CHIC1: variants seen among roughly 807,000 people sequenced by gnomAD.
The protein encoded by CHIC1 is cysteine rich hydrophobic domain 1, also known as cysteine-rich hydrophobic domain-containing protein 1.
A neutral mutation model predicts 18.5 loss-of-function variants in CHIC1; 7 were observed. That is an observed-to-expected ratio of 0.38 (90% CI 0.22 to 0.71). CHIC1 has a LOEUF of 0.71. CHIC1 is among the 30% of genes least tolerant of loss of function. CHIC1 has a pLI of 0.49. For missense variants in CHIC1, 159 were observed against 176.9 expected, an observed-to-expected ratio of 0.90 and a Z score of 0.57; for synonymous variants, 77 against 73.5, an observed-to-expected ratio of 1.05 and a Z score of -0.25.
intron 2 of CHIC1, 95 bp from the exon 3 acceptor site, chrX:73,584,322 T>C (rs1780603038): frequency 2.6e-6 from 2 of 769,826 alleles, no homozygotes; most frequent in African/African-American, 2.1e-5. Flanking sequence ...ATATTTGTGA[T>C]TCCTTAAATT....
chrX:73,590,884 T>C (rs944172211), intron 3 of CHIC1, among the ~76,000 whole-genome samples: 3 of 111,664 alleles, frequency 2.7e-5, no homozygotes, highest in Non-Finnish European at 1.9e-5. Flanking sequence ...ACTTCCAAGG[T>C]TTCACAATCA....
intron 3 of CHIC1, among the ~76,000 whole-genome samples, chrX:73,596,503 T>C (rs1053267449): frequency 8.9e-6 from 1 of 111,912 alleles, no homozygotes; most frequent in Non-Finnish European, 1.9e-5. Flanking sequence ...TGATTGACTT[T>C]CTTCACAGAA....
chrX:73,591,911 A>C (rs1237018024), intron 3 of CHIC1, among the ~76,000 whole-genome samples: 1 of 111,673 alleles, frequency 9.0e-6, no homozygotes, highest in Admixed American at 9.5e-5. Context: ...CTGTAGCTTT[A>C]TAGTAAGTCA....
intron 3 of CHIC1, 69 bp from the exon 4 acceptor site, chrX:73,679,257 A>C (rs1258026176): frequency 8.9e-6 from 6 of 676,997 alleles, no homozygotes; most frequent in Non-Finnish European, 1.4e-5. Context: ...AGGCAGAAAA[A>C]TATAGATGCA....
At chrX:73,598,673 A>G (rs1281496588) in intron 3 of CHIC1, among the ~76,000 whole-genome samples, 1 of 109,466 alleles carries the variant, frequency 9.1e-6, no homozygotes, top group African/African-American at 3.3e-5. Flanking sequence ...ATCATTTTTT[A>G]TGGCTGCATA....
intron 3 of CHIC1, among the ~76,000 whole-genome samples, chrX:73,662,011 A>G (rs1486274057): frequency 9.1e-6 from 1 of 109,947 alleles, no homozygotes; most frequent in Non-Finnish European, 1.9e-5. Context: ...CACACTGTGC[A>G]CATGTACCCT....
intron 3 of CHIC1, among the ~76,000 whole-genome samples, chrX:73,667,259 G>A (rs764175680): frequency 9.0e-6 from 1 of 111,441 alleles, no homozygotes; most frequent in South Asian, 3.8e-4. Context: ...ATGTAGGATG[G>A]GTCTTTTGAA....
chrX:73,643,121 T>G (rs756098927), intron 3 of CHIC1, among the ~76,000 whole-genome samples: 1 of 111,668 alleles, frequency 9.0e-6, no homozygotes, highest in East Asian at 2.8e-4. Context: ...TCTCCTTCAC[T>G]TATGAAGCTT....
At chrX:73,595,232 G>A (rs1298887136) in intron 3 of CHIC1, among the ~76,000 whole-genome samples, 3 of 110,824 alleles carry the variant, frequency 2.7e-5, no homozygotes, top group East Asian at 2.9e-4. Flanking sequence ...ATATAGGTGT[G>A]TTACATAGCT....
chrX:73,647,620 G>A (rs751985705), intron 3 of CHIC1, among the ~76,000 whole-genome samples: 4 of 112,406 alleles, frequency 3.6e-5, no homozygotes, highest in Non-Finnish European at 7.5e-5. Context: ...AACTCTTCAG[G>A]CTTGATGCTG....
At position 73,583,506 on chromosome X, in the gene CHIC1, G is replaced by T. The variant is rs976031236; in HGVS notation, c.352-911G>T. On this transcript the variant is annotated intron_variant, in intron 2 of 5. Transcript: ENST00000373502. ...CCATTGCCTAATTTTTGCTTTTATA[G>T]CCAGATGCTAAATGTTCTTTCATAA... 6.3e-5 allele frequency among the ~76,000 whole-genome samples: 7 copies of T among 110,799 alleles called. No individual in the cohort carries two copies. The Admixed American group carries it at 6.8e-4, about 11-fold the overall frequency.
intron 3 of CHIC1, among the ~76,000 whole-genome samples, chrX:73,644,052 A>G (rs924038926): frequency 3.6e-5 from 4 of 111,734 alleles, no homozygotes; most frequent in African/African-American, 1.3e-4. Flanking sequence ...TTTGGTGTGG[A>G]TGTCCTTTCT....
intron 3 of CHIC1, among the ~76,000 whole-genome samples, chrX:73,674,115 G>A (rs1475861745): frequency 8.9e-6 from 1 of 111,904 alleles, no homozygotes; most frequent in African/African-American, 3.2e-5. Context: ...GATCATGGTG[G>A]ATAAGCTTTT....
intron 3 of CHIC1, among the ~76,000 whole-genome samples, chrX:73,677,863 A>G (rs1276667803): frequency 4.5e-5 from 5 of 112,042 alleles, no homozygotes; most frequent in Non-Finnish European, 5.6e-5. Context: ...AGCTGTTTCT[A>G]TTCGGCCATC....
chrX:73,581,178 C>G (rs1429383258), intron 2 of CHIC1, among the ~76,000 whole-genome samples: 2 of 110,508 alleles, frequency 1.8e-5, no homozygotes, highest in Non-Finnish European at 3.8e-5. Context: ...AGTATGACAG[C>G]TGATTGATAG....
chrX:73,610,806 G>C (rs1207195605), intron 3 of CHIC1, among the ~76,000 whole-genome samples: 2 of 107,660 alleles, frequency 1.9e-5, no homozygotes, highest in Non-Finnish European at 3.8e-5. Context: ...ATTTGATGCT[G>C]GTAGGTTATA....
intron 3 of CHIC1, among the ~76,000 whole-genome samples, chrX:73,649,285 C>T (rs1467800906): frequency 9.0e-6 from 1 of 111,640 alleles, no homozygotes; most frequent in Non-Finnish European, 1.9e-5. Flanking sequence ...GAAGAAACTG[C>T]ATCAACTAGT....
intron 3 of CHIC1, among the ~76,000 whole-genome samples, chrX:73,654,446 G>T (rs910192150): frequency 7.2e-5 from 8 of 111,449 alleles, no homozygotes; most frequent in African/African-American, 2.6e-4. Context: ...CTAGTATTTT[G>T]TTGAGGACTT....
intron 3 of CHIC1, among the ~76,000 whole-genome samples, chrX:73,657,061 A>ATTTT (rs36102598): frequency 1.1e-5 from 1 of 88,623 alleles, no homozygotes; most frequent in Non-Finnish European, 2.2e-5. Flanking sequence ...TCTTTTTTTA[A>ATTTT]TTTTTTTTTT....
Sources: gnomAD v4.1 joint callset for allele counts (sites outside exome capture counted in the v4.1 genomes callset) on GRCh38, gnomAD v4.1.1 for gene constraint, MANE v1.5 for transcripts, NCBI Gene and HGNC (gene_info 2026-07-23, HGNC 2026-07-21) for gene names.